INPP4B: variants seen among roughly 807,000 people sequenced by gnomAD.
INPP4B encodes the protein inositol polyphosphate 4-phosphatase type II.
Under a neutral mutation model 122.5 loss-of-function variants are expected in INPP4B, and 55 were observed. The observed-to-expected ratio is 0.45, with a 90% CI of 0.36 to 0.56. The LOEUF (loss-of-function observed/expected upper bound fraction) is 0.56. INPP4B is among the 20% of genes least tolerant of loss of function. The pLI is 0.00. For synonymous variants in INPP4B, 403 were observed against 388.7 expected (o/e 1.04, Z -0.43); for missense variants, 1,000 against 1,097.7 (o/e 0.91, Z 1.26).
chr4:142,743,248 T>C (rs1768163303), intron 1 of INPP4B, among the ~76,000 whole-genome samples: 1 of 151,976 alleles, frequency 6.6e-6, no homozygotes, highest in Non-Finnish European at 1.5e-5. Flanking sequence ...TCCTTAGTGA[T>C]AACTTTCCAA....
intron 1 of INPP4B, among the ~76,000 whole-genome samples, chr4:142,841,673 T>C (rs965150475): frequency 1.3e-5 from 2 of 151,838 alleles, no homozygotes; most frequent in African/African-American, 4.8e-5. Context: ...CATAAAAATC[T>C]CGAAGTTCTC....
Position 142,081,196 on chromosome 4 carries a change from AG to A in INPP4B, c.2642+834del, listed in dbSNP as rs550515278. Among the ~76,000 whole-genome samples, 649 of 152,322 alleles carry A rather than the reference AG, an allele frequency of 4.3e-3. 4 individuals carry two copies. The highest frequency in any genetic ancestry group is 0.015 in the African/African-American group (615 of 41,578). ...ATAGCTAATGGCAGGCTAGATAAGA[AG>A]CAGCCTTCTCCAGTGAATCATATGA... is the stretch of plus-strand genomic sequence containing the variant. On this transcript the variant is annotated intron_variant, in intron 25 of 25. Transcript: ENST00000262992.
intron 10 of INPP4B, among the ~76,000 whole-genome samples, chr4:142,264,692 G>C (rs917951623): frequency 2.0e-5 from 3 of 152,142 alleles, no homozygotes; most frequent in African/African-American, 7.2e-5. Flanking sequence ...TTTATTCCAT[G>C]CTCTGGAATT....
chr4:142,292,563 G>C (rs1403496509), intron 9 of INPP4B, among the ~76,000 whole-genome samples: 1 of 152,026 alleles, frequency 6.6e-6, no homozygotes, highest in African/African-American at 2.4e-5. Flanking sequence ...TCTAAGTTTA[G>C]GATTTAAACT....
At chr4:142,247,087 C>T (rs565048881) in intron 11 of INPP4B, among the ~76,000 whole-genome samples, 34 of 152,022 alleles carry the variant, frequency 2.2e-4, no homozygotes, top group Non-Finnish European at 4.7e-4. Flanking sequence ...TTTATGTGAT[C>T]GATTATGTTT....
chr4:142,256,600 T>C (rs1297043234), intron 11 of INPP4B, among the ~76,000 whole-genome samples: 1 of 151,758 alleles, frequency 6.6e-6, no homozygotes. Flanking sequence ...AACTAGAAAA[T>C]CTAGAAGAAA....
intron 1 of INPP4B, among the ~76,000 whole-genome samples, chr4:142,817,414 C>T (rs1780235627): frequency 6.6e-6 from 1 of 152,138 alleles, no homozygotes; most frequent in African/African-American, 2.4e-5. Flanking sequence ...CTTGCTTTCT[C>T]CTCGATTATC....
chr4:142,325,012 T>C (rs1248668242), intron 7 of INPP4B, among the ~76,000 whole-genome samples: 2 of 152,206 alleles, frequency 1.3e-5, no homozygotes, highest in Non-Finnish European at 1.5e-5. Context: ...CAAATACCCC[T>C]AGACAAAAAT....
intron 22 of INPP4B, 52 bp from the exon 23 acceptor site, chr4:142,108,242 G>A (rs758523623): frequency 2.2e-6 from 2 of 897,780 alleles, no homozygotes; most frequent in Non-Finnish European, 3.7e-6. Context: ...GTACCAAAAA[G>A]TAACACATTT....
At chr4:142,459,640 C>T (rs568959991) in intron 3 of INPP4B, among the ~76,000 whole-genome samples, 25 of 152,188 alleles carry the variant, frequency 1.6e-4, no homozygotes, top group Admixed American at 1.0e-3. Context: ...TGGCTAGAAT[C>T]TCTACTATCA....
At chr4:142,305,780 G>A in intron 8 of INPP4B, 2 of 1,305,324 alleles carry the variant, frequency 1.5e-6, no homozygotes, top group South Asian at 3.1e-5. Context: ...AATAACAAGA[G>A]GTAAAATACA....
chr4:142,034,482 T>A (rs187929623), intron 25 of INPP4B, among the ~76,000 whole-genome samples: 1 of 152,018 alleles, frequency 6.6e-6, no homozygotes, highest in East Asian at 1.9e-4. Flanking sequence ...TCTTTCCACA[T>A]CTCCTGTCTC....
intron 1 of INPP4B, among the ~76,000 whole-genome samples, chr4:142,744,987 G>A (rs1413013446): frequency 3.4e-5 from 5 of 147,252 alleles, no homozygotes; most frequent in East Asian, 2.0e-4. Flanking sequence ...ACAAGCTAAC[G>A]GAATTTTACT....
chr4:142,548,313 C>T (rs1391892792), intron 2 of INPP4B, among the ~76,000 whole-genome samples: 1 of 151,982 alleles, frequency 6.6e-6, no homozygotes, highest in Non-Finnish European at 1.5e-5. Context: ...AGTTTTAAGC[C>T]CTTCTGTTAG....
chr4:142,549,422 T>C (rs879184300), intron 2 of INPP4B, among the ~76,000 whole-genome samples: 3 of 152,086 alleles, frequency 2.0e-5, no homozygotes, highest in Admixed American at 2.0e-4. Flanking sequence ...TGATCTAACC[T>C]GGCTCCCCAG....
At chr4:142,257,877 A>C (rs920365176) in intron 11 of INPP4B, among the ~76,000 whole-genome samples, 7 of 152,182 alleles carry the variant, frequency 4.6e-5, no homozygotes, top group African/African-American at 1.4e-4. Context: ...GGAACCAAAA[A>C]AGAGCCTGCA....
chr4:142,705,107 C>A (rs1308380009), intron 2 of INPP4B, among the ~76,000 whole-genome samples: 2 of 152,052 alleles, frequency 1.3e-5, no homozygotes, highest in East Asian at 3.9e-4. Context: ...CTCTTTTTGC[C>A]TCTGACTGTT....
At chr4:142,681,282 G>A (rs1211524884) in intron 2 of INPP4B, among the ~76,000 whole-genome samples, 1 of 151,748 alleles carries the variant, frequency 6.6e-6, no homozygotes, top group Non-Finnish European at 1.5e-5. Flanking sequence ...TGGATCTGAA[G>A]TCAATGTCGT....
intron 25 of INPP4B, among the ~76,000 whole-genome samples, chr4:142,036,829 C>T (rs1232162189): frequency 1.3e-5 from 2 of 152,136 alleles, no homozygotes; most frequent in African/African-American, 4.8e-5. Flanking sequence ...GATCCTAAAG[C>T]TTGAGCCCCA....
Sources: allele counts gnomAD v4.1 joint callset (sites outside exome capture counted in the v4.1 genomes callset), GRCh38; gene constraint gnomAD v4.1.1; transcripts MANE v1.5; gene names NCBI Gene and HGNC (gene_info 2026-07-23, HGNC 2026-07-21).